Variants in PARM1 observed in about 807,000 individuals in gnomAD.
PARM1 encodes WSC4, cell wall integrity and stress response component 4 homolog.
Under a neutral mutation model 24.6 loss-of-function variants are expected in PARM1, and 14 were observed. The ratio of observed to expected loss-of-function variants is 0.57; its 90% CI spans 0.38 to 0.89. The LOEUF (loss-of-function observed/expected upper bound fraction) is 0.89, where lower values mean the gene tolerates loss of function less well. Ranked by LOEUF, PARM1 falls within the 40% of genes least tolerant of loss-of-function variation. The pLI is 0.00. For synonymous variants in PARM1, 179 were observed against 156.6 expected, an observed-to-expected ratio of 1.14 and a Z score of -1.07; for missense variants, 362 against 380.4, an observed-to-expected ratio of 0.95 and a Z score of 0.40.
intron 1 of PARM1, among the ~76,000 whole-genome samples, chr4:74,978,706 A>G (rs797015873): frequency 2.0e-5 from 3 of 152,314 alleles, no homozygotes; most frequent in African/African-American, 4.8e-5. Flanking sequence ...TGATCACATC[A>G]TTGATAGTAA....
At chr4:74,994,829 T>G (rs541705262) in intron 1 of PARM1, among the ~76,000 whole-genome samples, 9 of 151,354 alleles carry the variant, frequency 5.9e-5, no homozygotes, top group African/African-American at 2.2e-4. Flanking sequence ...AATAAATAAA[T>G]AAATAAATGG....
intron 1 of PARM1, among the ~76,000 whole-genome samples, chr4:74,973,425 G>A (rs1722078452): frequency 1.3e-5 from 2 of 151,910 alleles, no homozygotes; most frequent in Admixed American, 6.6e-5. Context: ...AAAGATCTCA[G>A]CAACTTGAAA....
intron 2 of PARM1, among the ~76,000 whole-genome samples, chr4:75,019,351 T>C (rs1176836766): frequency 6.6e-6 from 1 of 152,250 alleles, no homozygotes; most frequent in African/African-American, 2.4e-5. Flanking sequence ...ATGCAAACTT[T>C]AAAATTATAG....
At chr4:74,952,144 A>G (rs907773267) in intron 1 of PARM1, among the ~76,000 whole-genome samples, 2 of 152,158 alleles carry the variant, frequency 1.3e-5, no homozygotes, top group East Asian at 3.8e-4. Context: ...CTGGCATGAG[A>G]TGGTATCTCA....
intron 1 of PARM1, among the ~76,000 whole-genome samples, chr4:75,005,225 C>T (rs1375082542): frequency 6.6e-6 from 1 of 152,210 alleles, no homozygotes; most frequent in East Asian, 1.9e-4. Flanking sequence ...ACAAGCAATG[C>T]TCCCGGCTGA....
Position 75,002,455 on chromosome 4 carries a change from A to T in PARM1, c.44-9970A>T, listed in dbSNP as rs1722698482. On this transcript the variant is annotated intron_variant, in intron 1 of 3. Coordinates refer to ENST00000307428, the MANE Select transcript of PARM1 (RefSeq NM_015393.4). ...TTTTTATCTTTTTAGTCCCATGAGA[A>T]TTTTTTTTTTTTTTAATTTCAGTGA... Among the ~76,000 whole-genome samples the T allele has an allele frequency of 1.4e-5, 2 of 146,504 alleles. 1 individual carries two copies. Among genetic ancestry groups the T allele is most frequent in the African/African-American group, 5.0e-5 (2 of 40,070 alleles).
At chr4:74,933,696 AG>A in intron 1 of PARM1, among the ~76,000 whole-genome samples, 1 of 152,148 alleles carries the variant, frequency 6.6e-6, no homozygotes, top group Non-Finnish European at 1.5e-5. Context: ...TTTCTTCACC[AG>A]GGTTTCGGAG....
intron 1 of PARM1, among the ~76,000 whole-genome samples, chr4:74,952,417 T>G (rs1288384339): frequency 6.6e-6 from 1 of 152,252 alleles, no homozygotes; most frequent in Non-Finnish European, 1.5e-5. Context: ...TAGTTTCTTT[T>G]GCTGTGCAGA....
chr4:75,003,879 TTC>T (rs140563593), intron 1 of PARM1, among the ~76,000 whole-genome samples: 43 of 149,568 alleles, frequency 2.9e-4, no homozygotes, highest in Non-Finnish European at 3.3e-4. Flanking sequence ...CATTTTAACA[TTC>T]TCTCTCTCTC....
chr4:74,955,920 G>A (rs1303517690), intron 1 of PARM1: 2 of 152,110 alleles, frequency 1.3e-5, no homozygotes, highest in Non-Finnish European at 2.9e-5. Context: ...AGCTACTTAT[G>A]TTTGCAAAGG....
chr4:74,996,963 G>T (rs1722586850), intron 1 of PARM1, among the ~76,000 whole-genome samples: 1 of 152,134 alleles, frequency 6.6e-6, no homozygotes, highest in Non-Finnish European at 1.5e-5. Context: ...TGCTATTTCT[G>T]ATTTTTCAAA....
intron 2 of PARM1, among the ~76,000 whole-genome samples, chr4:75,019,047 G>A (rs146824759): frequency 6.6e-6 from 1 of 152,250 alleles, no homozygotes; most frequent in African/African-American, 2.4e-5. Context: ...GAAGCAGATG[G>A]TGGTAGCAGC....
At chr4:74,962,818 A>G (rs1721805488) in intron 1 of PARM1, among the ~76,000 whole-genome samples, 1 of 152,188 alleles carries the variant, frequency 6.6e-6, no homozygotes, top group Admixed American at 6.5e-5. Context: ...CAAAATGAAG[A>G]GTTCTGGAAA....
chr4:75,018,704 G>A (rs749285384), intron 2 of PARM1, among the ~76,000 whole-genome samples: 6 of 152,198 alleles, frequency 3.9e-5, no homozygotes, highest in Non-Finnish European at 7.3e-5. Flanking sequence ...TTGGGCTAGC[G>A]ACTGACACAG....
chr4:75,014,204 C>T (rs1201366775), intron 2 of PARM1, among the ~76,000 whole-genome samples: 2 of 152,148 alleles, frequency 1.3e-5, no homozygotes, highest in African/African-American at 4.8e-5. Flanking sequence ...ATGGAAACTG[C>T]TTGACAGTGG....
chr4:75,011,027 AT>A (rs1366751200), intron 1 of PARM1, among the ~76,000 whole-genome samples: 3 of 152,174 alleles, frequency 2.0e-5, no homozygotes, highest in African/African-American at 7.2e-5. Flanking sequence ...CATGGTGAGA[AT>A]GGGAGCAAGA....
At chr4:75,044,062 T>TAAA (rs1560396550) in intron 3 of PARM1, among the ~76,000 whole-genome samples, 1 of 146,810 alleles carries the variant, frequency 6.8e-6, no homozygotes, top group African/African-American at 2.5e-5. Flanking sequence ...AAAAAAAAAT[T>TAAA]GTCTTTTTGC....
chr4:75,032,402 T>C (rs1156784430), intron 2 of PARM1, among the ~76,000 whole-genome samples: 1 of 152,212 alleles, frequency 6.6e-6, no homozygotes, highest in East Asian at 1.9e-4. Flanking sequence ...TGTGCTACAA[T>C]TCTTTTGGTG....
At chr4:74,942,474 C>T (rs1721329653) in intron 1 of PARM1, among the ~76,000 whole-genome samples, 1 of 152,246 alleles carries the variant, frequency 6.6e-6, no homozygotes, top group African/African-American at 2.4e-5. Flanking sequence ...ATATCCAAAA[C>T]TGAGCTCCTA....
Sources: gnomAD v4.1 joint callset for allele counts (sites outside exome capture counted in the v4.1 genomes callset) on GRCh38, gnomAD v4.1.1 for gene constraint, MANE v1.5 for transcripts, NCBI Gene and HGNC (gene_info 2026-07-23, HGNC 2026-07-21) for gene names.